Variants in MDN1 observed in about 807,000 individuals in gnomAD.
MDN1 encodes midasin.
Under a neutral mutation model 669.2 loss-of-function variants are expected in MDN1, and 266 were observed. The ratio of observed to expected loss-of-function variants is 0.40; its 90% confidence interval spans 0.36 to 0.44. MDN1 has a LOEUF of 0.44. Among genes scored for constraint, MDN1 ranks in the 20% least tolerant of loss-of-function variants. MDN1 has a pLI of 1.00. For missense variants in MDN1, 5,940 were observed against 6,754.0 expected (o/e 0.88, Z 4.22); for synonymous variants, 2,385 against 2,457.1 (o/e 0.97, Z 0.87).
intron 1 of MDN1, among the ~76,000 whole-genome samples, chr6:89,803,895 C>CTTTT (rs56246331): frequency 3.1e-4 from 24 of 76,370 alleles, no homozygotes; most frequent in Non-Finnish European, 4.4e-4. Context: ...CTTTTCTTTT[C>CTTTT]TTTTTTTTTT....
chr6:89,679,850 G>A (rs906766430), intron 74 of MDN1, among the ~76,000 whole-genome samples: 3 of 152,222 alleles, frequency 2.0e-5, no homozygotes, highest in African/African-American at 7.2e-5. Context: ...GGGAGGCTTT[G>A]CATCCTGCAG....
At position 89,675,911 on chromosome 6, in the gene MDN1, AT is replaced by A. The variant is rs1161110728; in HGVS notation, c.12645+190del. On this transcript the variant is annotated intron_variant, in intron 77 of 101. Coordinates refer to ENST00000369393, the MANE Select transcript of MDN1 (RefSeq NM_014611.3). ...CTGTCCTGCTGGCAAGTGTAACTGA[AT>A]TTATTTAAGGTGTTCTGATTTTGCA... is the stretch of plus-strand genomic sequence containing the variant. 37 of 571,092 alleles carry A rather than the reference AT, an allele frequency of 6.5e-5. No individual in the cohort carries two copies. In the South Asian group the frequency reaches 7.0e-4, roughly 11 times the overall value. The allele number at this position is 571,092 out of a possible 1,614,324, so 35.4% of individuals were successfully genotyped here.
At chr6:89,682,776 C>CA (rs1168971439) in intron 73 of MDN1, among the ~76,000 whole-genome samples, 7,613 of 35,232 alleles carry the variant, frequency 0.22, 697 homozygotes, top group Non-Finnish European at 0.26. Flanking sequence ...CTCATCTCTA[C>CA]AAAAAAAAAA....
At chr6:89,686,020 C>T (rs534082896) in intron 69 of MDN1, 47 bp from the exon 70 acceptor site, 14 of 1,574,672 alleles carry the variant, frequency 8.9e-6, no homozygotes, top group Middle Eastern at 1.7e-4. Context: ...TCGACCATGA[C>T]TCCCTATTCC....
At chr6:89,701,701 AG>A in intron 54 of MDN1, 23 bp from the exon 55 acceptor site, 4 of 1,603,828 alleles carry the variant, frequency 2.5e-6, no homozygotes, top group Non-Finnish European at 3.4e-6. Flanking sequence ...ACAAGGGCAC[AG>A]GGGAAATAAG....
chr6:89,731,562 G>A (rs1306054860), intron 34 of MDN1, among the ~76,000 whole-genome samples: 1 of 151,604 alleles, frequency 6.6e-6, no homozygotes, highest in Non-Finnish European at 1.5e-5. Flanking sequence ...TGAACAATGA[G>A]AACACATGGA....
At chr6:89,760,786 A>C (rs1431009981) in intron 17 of MDN1, among the ~76,000 whole-genome samples, 1 of 152,230 alleles carries the variant, frequency 6.6e-6, no homozygotes, top group African/African-American at 2.4e-5. Context: ...TGTGAAATCT[A>C]AAACAATGGA....
chr6:89,683,058 A>ATGCC, intron 73 of MDN1, 74 bp downstream of exon 73: 1 of 1,452,898 alleles, frequency 6.9e-7, no homozygotes, highest in Non-Finnish European at 9.6e-7. Context: ...GTACTGAGGC[A>ATGCC]TGCCTTGCAC....
chr6:89,816,410 C>CG (rs1436936770), intron 1 of MDN1, among the ~76,000 whole-genome samples: 1 of 127,254 alleles, frequency 7.9e-6, no homozygotes, highest in Non-Finnish European at 1.6e-5. Context: ...CGTCTAGGGG[C>CG]GGGGGTGAGG....
chr6:89,815,952 C>A (rs1401552910), intron 1 of MDN1, among the ~76,000 whole-genome samples: 2 of 152,200 alleles, frequency 1.3e-5, no homozygotes, highest in Admixed American at 1.3e-4. Context: ...CAAGGCAGAG[C>A]ACTGTGGGTG....
intron 59 of MDN1, among the ~76,000 whole-genome samples, chr6:89,698,657 T>C (rs1464185881): frequency 6.6e-6 from 1 of 152,222 alleles, no homozygotes; most frequent in African/African-American, 2.4e-5. Context: ...CAATAAAACC[T>C]TTTTTGACTT....
At chr6:89,770,457 T>A (rs1247678270) in intron 15 of MDN1, among the ~76,000 whole-genome samples, 1 of 150,728 alleles carries the variant, frequency 6.6e-6, no homozygotes, top group Non-Finnish European at 1.5e-5. Context: ...ACATGTCTGC[T>A]TAAATGAAAA....
At chr6:89,772,810 C>A (rs1290154569) in intron 13 of MDN1, 89 bp from the exon 14 acceptor site, 16 of 1,424,192 alleles carry the variant, frequency 1.1e-5, no homozygotes, top group Non-Finnish European at 1.5e-5. Context: ...GATTCAACAA[C>A]AAGGATGAGA....
At position 89,712,025 on chromosome 6, in the gene MDN1, G is replaced by C. The variant is rs1459250632; in HGVS notation, c.7651+11C>G. On this transcript the variant is annotated intron_variant, in intron 49 of 101. Coordinates refer to ENST00000369393, the MANE Select transcript of MDN1 (RefSeq NM_014611.3). ...ATCACATCAGTGGACAAATTAAGCT[G>C]TTCTACTCACCAAGCCCCTGCGGTA... is the stretch of plus-strand genomic sequence containing the variant. 1.9e-6 allele frequency: 3 copies of C among 1,606,018 alleles called. No homozygotes were observed. Among genetic ancestry groups the C allele is most frequent in the Non-Finnish European group, 2.6e-6 (3 of 1,174,026 alleles).
At chr6:89,786,718 G>T (rs1417549945) in intron 8 of MDN1, among the ~76,000 whole-genome samples, 2 of 151,976 alleles carry the variant, frequency 1.3e-5, no homozygotes, top group African/African-American at 4.8e-5. Context: ...ATGAGGTCAG[G>T]AGATCAAGAC....
rs577193884 is a variant in MDN1, at chr6:89,682,375, C to T, written c.12102+757G>A. Among the ~76,000 whole-genome samples, 25 of 152,300 alleles carry T rather than the reference C, an allele frequency of 1.6e-4. No homozygotes were observed. In the South Asian group the frequency reaches 5.2e-3, roughly 32 times the overall value. On this transcript the variant is annotated intron_variant, in intron 73 of 101. Coordinates refer to ENST00000369393, the MANE Select transcript of MDN1 (RefSeq NM_014611.3). ...AAGTGCGATGACTCATGCCCATAATCCCAGCTCGTTGGGAGGCCGAGGCAG... is the reference window on the plus strand; with the variant it reads ...AAGTGCGATGACTCATGCCCATAATTCCAGCTCGTTGGGAGGCCGAGGCAG...
chr6:89,744,101 C>CT (rs1816445271), intron 29 of MDN1, among the ~76,000 whole-genome samples: 2 of 80,128 alleles, frequency 2.5e-5, no homozygotes, highest in African/African-American at 4.2e-5. Context: ...GGAATGCCTT[C>CT]TTAAAAAAAA....
At chr6:89,718,268 T>A (rs1814546172) in intron 43 of MDN1, 98 bp downstream of exon 43, 1 of 1,306,360 alleles carries the variant, frequency 7.7e-7, no homozygotes, top group African/African-American at 1.5e-5. Flanking sequence ...TGTTAATAAT[T>A]ACTAAATTAA....
intron 78 of MDN1, 72 bp from the exon 79 acceptor site, chr6:89,674,661 G>C: frequency 2.7e-6 from 4 of 1,484,244 alleles, no homozygotes; most frequent in Non-Finnish European, 3.6e-6. Context: ...TGTTTTAAAA[G>C]AAATTTGTGT....
Sources: allele counts gnomAD v4.1 joint callset (sites outside exome capture counted in the v4.1 genomes callset), GRCh38; gene constraint gnomAD v4.1.1; transcripts MANE v1.5; gene names NCBI Gene and HGNC (gene_info 2026-07-23, HGNC 2026-07-21).